The following SIRT7 variants were observed in gnomAD, a reference collection of about 807,000 sequenced individuals.
SIRT7 encodes NAD-dependent protein deacetylase sirtuin-7.
In SIRT7, 32 loss-of-function variants were observed where a neutral mutation model predicts 42.8. That is an observed-to-expected ratio of 0.75 (90% CI 0.56 to 1.00). The LOEUF (loss-of-function observed/expected upper bound fraction) is 1.00. SIRT7 is among the 50% of genes least tolerant of loss of function. The pLI is 0.00. For missense variants in SIRT7, 553 were observed against 572.2 expected, an observed-to-expected ratio of 0.97 and a Z score of 0.34; for synonymous variants, 297 against 245.2, an observed-to-expected ratio of 1.21 and a Z score of -1.97.
chr17:81,912,286 G>A lies in SIRT7; in HGVS notation c.*130C>T, dbSNP rs1354246303. 9.8e-6 allele frequency: 12 copies of A among 1,230,428 alleles called. No homozygotes were observed. In the East Asian group the frequency reaches 1.4e-4, roughly 14 times the overall value. 76.2% of individuals were successfully genotyped at this position (1,230,428 alleles called of 1,614,324 possible). On this transcript the variant is annotated 3_prime_UTR_variant, in exon 10 of 10. Transcript: ENST00000328666. The stretch of plus-strand genomic sequence containing the variant: ...GCAAGGGGCTTCCTCAAGGACAAAT[G>A]GCTAAAAATGTCACGGTGAAAATGT...
In SIRT7 at chr17:81,912,469, C is replaced by A. The variant is rs1180727796; in HGVS notation, c.1150G>T (p.Gly384Cys). ...APLSSAPILG[G>C]WFGRGCTKRT... is the part of the protein sequence containing the mutation. ...TTTGTGCAGCCCCTGCCAAACCAGC[C>A]CCCTAGGATGGGGGCCGAGCTAAGC... The change falls in exon 10 of 10, where the codon GGC (glycine) becomes TGC (cysteine). Residue 384 changes from glycine to cysteine, a missense_variant. Physicochemically the swap from Gly to Cys is radical, Grantham distance 159 (BLOSUM62 -3). Coordinates refer to ENST00000328666, the MANE Select transcript of SIRT7 (RefSeq NM_016538.3). 9.9e-6 allele frequency: 16 copies of A among 1,613,884 alleles called. No homozygotes were observed. Among genetic ancestry groups the A allele is most frequent in the Non-Finnish European group, 1.4e-5 (16 of 1,180,000 alleles).
intron 3 of SIRT7, chr17:81,916,105 T>G (rs1598343109): frequency 4.3e-6 from 1 of 231,734 alleles, no homozygotes; most frequent in African/African-American, 2.2e-5. Flanking sequence ...CGACTGTCCA[T>G]TCTCATGTCC....
chr17:81,912,279 G>A lies in SIRT7; in HGVS notation c.*137C>T. 8.5e-7 allele frequency: 1 copy of A among 1,171,714 alleles called. No individual in the cohort carries two copies. Among genetic ancestry groups the A allele is most frequent in the Non-Finnish European group, 1.2e-6 (1 of 800,718 alleles). The allele number at this position is 1,171,714 out of a possible 1,614,324, so 72.6% of individuals were successfully genotyped here. On this transcript the variant is annotated 3_prime_UTR_variant, in exon 10 of 10. Transcript: ENST00000328666. ...CAGCAGTGCAAGGGGCTTCCTCAAG[G>A]ACAAATGGCTAAAAATGTCACGGTG...
At chr17:81,916,460 C>CCT (rs2040800567) in intron 3 of SIRT7, 1 of 110,728 alleles carries the variant, frequency 9.0e-6, no homozygotes, top group African/African-American at 3.5e-5. Context: ...CATGACTGGA[C>CCT]TTTTTTTTTT....
In SIRT7 at chr17:81,915,908, C is replaced by T. The variant is rs1001389602; in HGVS notation, c.337-227G>A. 5 of 556,936 alleles carry T rather than the reference C, an allele frequency of 9.0e-6. No homozygotes were observed. In the African/African-American group the frequency reaches 9.4e-5, roughly 11 times the overall value. The allele number at this position is 556,936 out of a possible 1,614,324, so 34.5% of individuals were successfully genotyped here. ...CCGTTTCCCGCCTGGCCTGGCTCAT[C>T]CTTCCAGGCTGCACGCAGCCCTGCC... On this transcript the variant is annotated intron_variant, in intron 3 of 9. Coordinates refer to ENST00000328666, the MANE Select transcript of SIRT7 (RefSeq NM_016538.3).
In SIRT7 at chr17:81,913,126, A is replaced by G. The variant is rs763944349; in HGVS notation, c.1005-512T>C. 7.5e-5 allele frequency: 28 copies of G among 373,516 alleles called. No individual in the cohort carries two copies. Among genetic ancestry groups the G allele is most frequent in the Non-Finnish European group, 1.5e-4 (28 of 192,002 alleles). 23.1% of individuals were successfully genotyped at this position (373,516 alleles called of 1,614,324 possible). ...CTTAAGATACAGATACGCACTGATA[A>G]GGAAAATGAGCTAAGTTAATGTAAA... On this transcript the variant is annotated intron_variant, in intron 9 of 9. Coordinates refer to ENST00000328666, the MANE Select transcript of SIRT7 (RefSeq NM_016538.3). The surrounding 1 kb of genome is among the most constrained non-coding windows in gnomAD (Gnocchi z 5.0).
At chr17:81,915,385 A>C in intron 5 of SIRT7, 55 bp downstream of exon 5, 3 of 1,575,406 alleles carry the variant, frequency 1.9e-6, no homozygotes, top group Non-Finnish European at 2.6e-6. Flanking sequence ...CCCACTGGGC[A>C]CCAAGGTGCT....
Position 81,917,846 on chromosome 17 carries a change from T to G in SIRT7, c.215A>C (p.Lys72Thr). 1 of 1,439,238 alleles carries G rather than the reference T, an allele frequency of 6.9e-7. No individual in the cohort carries two copies. The highest frequency in any genetic ancestry group is 9.1e-7 in the Non-Finnish European group (1 of 1,100,566). 89.2% of individuals were successfully genotyped at this position (1,439,238 alleles called of 1,614,324 possible). A position where few individuals can be genotyped will look rare whatever the true frequency, so the allele number is the denominator to read the frequency against. The change falls in exon 2 of 10, where the codon AAG becomes ACG. Residue 72 changes from lysine to threonine, a missense_variant. Physicochemically the swap from Lys to Thr is moderately conservative, Grantham distance 78. Transcript: ENST00000328666. The stretch of plus-strand genomic sequence containing the variant: ...GGAACTCGCCTCCTCCTGCCGCCGC[T>G]TCAGGCCCTCGCGCCGCCGGCTCCG... ...QGRSRRREGL[K>T]RRQEEVCDDP...
chr17:81,912,266 G>GA lies in SIRT7; in HGVS notation c.*149_*150insT. 1 of 975,804 alleles carries GA rather than the reference G, an allele frequency of 1.0e-6. No homozygotes were observed. The highest frequency in any genetic ancestry group is 1.4e-5 in the South Asian group (1 of 69,128). 60.4% of individuals were successfully genotyped at this position (975,804 alleles called of 1,614,324 possible). A position where few individuals can be genotyped will look rare whatever the true frequency, so the allele number is the denominator to read the frequency against. On this transcript the variant is annotated 3_prime_UTR_variant, in exon 10 of 10. Transcript: ENST00000328666. ...CAGGGTACAACCGCAGCAGTGCAAG[G>GA]GGCTTCCTCAAGGACAAATGGCTAA...
At chr17:81,914,945 G>C (rs2040766392) in intron 5 of SIRT7, 2 of 565,138 alleles carry the variant, frequency 3.5e-6, no homozygotes, top group East Asian at 6.0e-5. Context: ...GGAGTGGCTG[G>C]GAGGGCAAGA....
rs564473526 is a variant in SIRT7, at chr17:81,913,141, G to A, written c.1005-527C>T. The A allele has an allele frequency of 6.6e-5, 25 of 380,856 alleles. 1 individual carries two copies. Among genetic ancestry groups the A allele is most frequent in the South Asian group, 1.8e-4 (9 of 51,406 alleles). The allele number at this position is 380,856 out of a possible 1,614,324, so 23.6% of individuals were successfully genotyped here. ...CGCACTGATAAGGAAAATGAGCTAA[G>A]TTAATGTAAAAAAAAAATACAGTAC... On this transcript the variant is annotated intron_variant, in intron 9 of 9. Transcript: ENST00000328666. This position sits in a 1 kb window ranked among gnomAD's most constrained non-coding sequence, Gnocchi z 5.0.
chr17:81,913,768 A>G lies in SIRT7; in HGVS notation c.1004+6T>C, dbSNP rs898641099. On this transcript the variant is annotated splice_donor_region_variant and intron_variant, in intron 9 of 9. Transcript: ENST00000328666. The surrounding 1 kb of genome is among the most constrained non-coding windows in gnomAD (Gnocchi z 5.0). ...GGGAAGCAGGCTGCTGCAGCGGCTC[A>G]CTCACCTGCTATAGGCGGGGATCTC... 12 of 1,547,820 alleles carry G rather than the reference A, an allele frequency of 7.8e-6. No individual in the cohort carries two copies. Among genetic ancestry groups the G allele is most frequent in the Non-Finnish European group, 9.6e-6 (11 of 1,146,308 alleles).
At chr17:81,916,830 G>A (rs1461201410) in intron 3 of SIRT7, 1 of 152,184 alleles carries the variant, frequency 6.6e-6, no homozygotes, top group African/African-American at 2.4e-5. Context: ...GGGTATTTGA[G>A]TCAGTAGTGA....
Position 81,914,425 on chromosome 17 carries a change from C to G in SIRT7, c.685G>C (p.Gly229Arg), listed in dbSNP as rs771486116. The part of the protein sequence containing the change: ...HQTGRTCHKC[G>R]TQLRDTIVHF... ...ACAATGGTGTCCCGCAGCTGGGTCC[C>G]ACACTTGTGGCAGGTCCGGCCTGTC... The change falls in exon 7 of 10, where the codon GGG becomes CGG. Residue 229 changes from glycine to arginine, a missense_variant. Transcript: ENST00000328666. 6.2e-7 allele frequency: 1 copy of G among 1,613,386 alleles called. No individual in the cohort carries two copies. The highest frequency in any genetic ancestry group is 1.1e-5 in the South Asian group (1 of 91,086).
rs1281708080 is a variant in SIRT7 at position 81,914,352 on chromosome 17, G to A, written c.758C>T (p.Ala253Val). ...TGCTCTGCTGGCAGCCTCGGTCGCC[G>A]CTTCCCAGTTCAAAGGCTGCCCCAA... ...GTLGQPLNWEAATEAASRADT... is the reference protein window; with the variant it reads ...GTLGQPLNWEVATEAASRADT... The change falls in exon 7 of 10, where the codon GCG (alanine) becomes GTG (valine). Residue 253 changes from alanine to valine, a missense_variant. Physicochemically the swap from Ala to Val is moderately conservative, Grantham distance 64. Transcript: ENST00000328666. 1.1e-5 allele frequency: 17 copies of A among 1,612,748 alleles called. No homozygotes were observed. The highest frequency in any genetic ancestry group is 1.7e-5 in the Admixed American group (1 of 59,988).
Position 81,912,442 on chromosome 17 carries a change from G to A in SIRT7, c.1177C>T (p.Arg393Cys), listed in dbSNP as rs137989863. ...TACGTCACTTTCTTCCTTTTTGTGC[G>A]TTTTGTGCAGCCCCTGCCAAACCAG... Reference protein sequence around the residue: ...GGWFGRGCTKRTKRKKVT With the variant: ...GGWFGRGCTKCTKRKKVT Residue 393 changes from arginine (R) to cysteine (C), a missense_variant, in exon 10 of 10, where the codon CGC (arginine) becomes TGC (cysteine). By Grantham distance (180) the Arg-to-Cys change is radical. Transcript: ENST00000328666. 4.8e-5 allele frequency: 77 copies of A among 1,613,930 alleles called. No homozygotes were observed. Among genetic ancestry groups the A allele is most frequent in the South Asian group, 2.4e-4 (22 of 91,084 alleles).
intron 3 of SIRT7, chr17:81,915,892 G>C: frequency 1.7e-6 from 1 of 581,338 alleles, no homozygotes; most frequent in East Asian, 3.1e-5. Context: ...TCCGTTTCCC[G>C]CCTGGCCTGG....
intron 5 of SIRT7, chr17:81,915,028 T>C: frequency 2.0e-6 from 1 of 493,844 alleles, no homozygotes; most frequent in Non-Finnish European, 3.7e-6. Flanking sequence ...AGATCCATGC[T>C]CTCTTGGGTC....
chr17:81,916,177 G>A (rs2040793718), intron 3 of SIRT7: 1 of 164,458 alleles, frequency 6.1e-6, no homozygotes, highest in African/African-American at 2.4e-5. Flanking sequence ...GATGAGATGA[G>A]CATCTAACTT....
Sources: allele counts gnomAD v4.1 joint callset, GRCh38; gene constraint gnomAD v4.1.1; non-coding constraint Gnocchi (gnomAD v3.1); transcripts MANE v1.5; gene names NCBI Gene and HGNC (gene_info 2026-07-23, HGNC 2026-07-21).